The following GCNA variants were observed in gnomAD, a reference collection of about 807,000 sequenced individuals.
GCNA encodes the protein germ cell nuclear acidic protein.
GCNA carries 3 observed loss-of-function variants against 38.8 expected under a neutral mutation model. That is an observed-to-expected ratio of 0.08 (90% confidence interval 0.04 to 0.20). The LOEUF (loss-of-function observed/expected upper bound fraction) is 0.20, where lower values mean the gene tolerates loss of function less well. Ranked by LOEUF, GCNA falls within the 10% of genes least tolerant of loss-of-function variation. The pLI is 1.00. For synonymous variants in GCNA, 195 were observed against 240.2 expected (o/e 0.81, Z 1.74); for missense variants, 446 against 578.6 (o/e 0.77, Z 2.35).
chrX:71,581,269 A>AT (rs1398643309), intron 2 of GCNA, among the ~76,000 whole-genome samples: 1 of 111,941 alleles, frequency 8.9e-6, no homozygotes, highest in African/African-American at 3.2e-5. Context: ...TTTGTTTTAA[A>AT]TTTTTTTATG....
intron 2 of GCNA, among the ~76,000 whole-genome samples, chrX:71,586,673 G>A (rs1307708858): frequency 1.8e-5 from 2 of 110,631 alleles, no homozygotes; most frequent in Non-Finnish European, 3.8e-5. Context: ...GCAGTGGTGC[G>A]ATCTCAGCTC....
At chrX:71,585,716 CTT>C (rs1451605151) in intron 2 of GCNA, among the ~76,000 whole-genome samples, 3 of 108,012 alleles carry the variant, frequency 2.8e-5, no homozygotes, top group Non-Finnish European at 5.7e-5. Context: ...TGGGCTGACT[CTT>C]TACCTCGAAC....
intron 1 of GCNA, among the ~76,000 whole-genome samples, chrX:71,578,784 C>T (rs920511547): frequency 5.6e-5 from 6 of 106,641 alleles, no homozygotes; most frequent in Non-Finnish European, 1.2e-4. Context: ...GTGGGGGCGC[C>T]GGTGGCGGCG....
chrX:71,598,107 G>C, intron 7 of GCNA, 69 bp downstream of exon 7: 1 of 807,250 alleles, frequency 1.2e-6, no homozygotes, highest in African/African-American at 2.0e-5. Context: ...GTACTTTCAG[G>C]ATCAGAGTCC....
At chrX:71,601,987 T>C (rs1192938594) in intron 7 of GCNA, among the ~76,000 whole-genome samples, 1 of 112,169 alleles carries the variant, frequency 8.9e-6, no homozygotes, top group African/African-American at 3.2e-5. Flanking sequence ...GTGGGTTTGC[T>C]GAATTGTATG....
At position 71,613,288 on chromosome X, in the gene GCNA, G is replaced by A. The variant is rs1280151140; in HGVS notation, c.*306G>A. The A allele has an allele frequency of 1.5e-5, 3 of 204,359 alleles. No homozygotes were observed. The highest frequency in any genetic ancestry group is 2.7e-5 in the Non-Finnish European group (3 of 111,627). The allele number at this position is 204,359 out of a possible 1,213,427, so 16.8% of individuals were successfully genotyped here. On this transcript the variant is annotated 3_prime_UTR_variant, in exon 13 of 13. Coordinates refer to ENST00000373696, the MANE Select transcript of GCNA (RefSeq NM_052957.5). ...GGGACTCTATTGCTAACCATTCTGT[G>A]CCCTTGACAGGGTATTTCTGAAGCC... is the stretch of plus-strand genomic sequence containing the variant.
At chrX:71,589,450 CTTTTTTTTTTTTTTTTTT>C (rs371046758) in intron 2 of GCNA, among the ~76,000 whole-genome samples, 5,813 of 38,097 alleles carry the variant, frequency 0.15, 352 homozygotes, top group African/African-American at 0.3. Context: ...CATATATTTC[CTTTTTTTTTTTTTTTTTT>C]TTTTTTTTTT....
chrX:71,586,608 A>G (rs1168166677), intron 2 of GCNA, among the ~76,000 whole-genome samples: 1 of 110,542 alleles, frequency 9.0e-6, no homozygotes, highest in East Asian at 2.8e-4. Flanking sequence ...CCATGTGGCC[A>G]TGTTACTTTT....
At position 71,604,469 on chromosome X, in the gene GCNA, C is replaced by T. The variant is rs749143871; in HGVS notation, c.1192C>T (p.Pro398Ser). The change falls in exon 8 of 13, where the codon CCA becomes TCA. Residue 398 changes from proline to serine, a missense_variant. By Grantham distance (74) the Pro-to-Ser change is moderately conservative (BLOSUM62 -1). Around this residue, in one of 7 missense-constraint regions of GCNA, gnomAD observed 160 missense variants for 165.2 expected, o/e 0.97. Transcript: ENST00000373696. Reference sequence around the variant, plus strand: ...CCCTGAAGTTTCAGAGAGAAAGCTGCCAACTGAGGAAGAGCCTGCACCTGT... The same window carrying T: ...CCCTGAAGTTTCAGAGAGAAAGCTGTCAACTGAGGAAGAGCCTGCACCTGT... The part of the protein sequence containing the change: ...ANPEVSERKL[P>S]TEEEPAPVVE... The T allele has an allele frequency of 8.3e-7, 1 of 1,203,729 alleles. No individual in the cohort carries two copies. Among genetic ancestry groups the T allele is most frequent in the African/African-American group, 1.8e-5 (1 of 56,991 alleles).
At chrX:71,589,843 C>G (rs1228338444) in intron 2 of GCNA, among the ~76,000 whole-genome samples, 1 of 110,183 alleles carries the variant, frequency 9.1e-6, no homozygotes, top group African/African-American at 3.3e-5. Context: ...CAGGGTCTCA[C>G]TCCTGTCACC....
At chrX:71,579,378 G>A (rs907789203) in intron 1 of GCNA, among the ~76,000 whole-genome samples, 3 of 93,898 alleles carry the variant, frequency 3.2e-5, no homozygotes, top group African/African-American at 1.2e-4. Flanking sequence ...GCCGGTGGCC[G>A]CATTGAAGGT....
chrX:71,610,772 G>A lies in GCNA; in HGVS notation c.1703G>A (p.Arg568Gln), dbSNP rs759448717. 13 of 1,211,277 alleles carry A rather than the reference G, an allele frequency of 1.1e-5. No homozygotes were observed. Among genetic ancestry groups the A allele is most frequent in the South Asian group, 5.3e-5 (3 of 56,904 alleles). The change falls in exon 11 of 13, where the codon CGG becomes CAG. Residue 568 changes from arginine to glutamine, a missense_variant. By Grantham distance (43) the Arg-to-Gln change is conservative. Coordinates refer to ENST00000373696, the MANE Select transcript of GCNA (RefSeq NM_052957.5). ...GGTGAGATGTGGTACCCAAAGTGGC[G>A]GCGCTTTGCCAAGATCCAGATTGGC... ...STGEMWYPKWRRFAKIQIGLK... is the reference protein window; with the variant it reads ...STGEMWYPKWQRFAKIQIGLK...
intron 7 of GCNA, among the ~76,000 whole-genome samples, chrX:71,602,822 G>A (rs1179552317): frequency 8.9e-6 from 1 of 111,851 alleles, no homozygotes; most frequent in African/African-American, 3.2e-5. Context: ...GGTTGCCAGT[G>A]CTTGTGGGGT....
chrX:71,605,902 C>T (rs1437763791), intron 9 of GCNA, among the ~76,000 whole-genome samples, 173 bp downstream of exon 9: 1 of 111,774 alleles, frequency 8.9e-6, no homozygotes, highest in Non-Finnish European at 1.9e-5. Context: ...AGGGAGAATA[C>T]TACCCACTGG....
At position 71,595,161 on chromosome X, in the gene GCNA, A is replaced by G. The variant is rs1192278720; in HGVS notation, c.221+382A>G. ...GACCAGGTTCGAGTGCAGTGGTGCA[A>G]TCTCGGCTCACTGCAGCCTCCGCCT... On this transcript the variant is annotated intron_variant, in intron 6 of 12. Transcript: ENST00000373696. Among the ~76,000 whole-genome samples, 3 of 111,665 alleles carry G rather than the reference A, an allele frequency of 2.7e-5. No homozygotes were observed. The East Asian group carries it at 8.4e-4, about 31-fold the overall frequency.
At chrX:71,612,620 A>C in intron 12 of GCNA, 61 bp downstream of exon 12, 2 of 1,046,434 alleles carry the variant, frequency 1.9e-6, no homozygotes, top group South Asian at 2.1e-5. Flanking sequence ...GTGGCTCTTC[A>C]GTGATTTTAT....
chrX:71,612,659 A>G, intron 12 of GCNA, 100 bp downstream of exon 12: 3 of 905,141 alleles, frequency 3.3e-6, no homozygotes, highest in Non-Finnish European at 4.6e-6. Flanking sequence ...ACTGAAGAGG[A>G]GAACCTCTCT....
chrX:71,601,026 C>T (rs914462096), intron 7 of GCNA, among the ~76,000 whole-genome samples: 2 of 111,670 alleles, frequency 1.8e-5, no homozygotes, highest in African/African-American at 6.5e-5. Flanking sequence ...TCCATTAGTT[C>T]AATTGTTTTC....
At chrX:71,605,776 G>A (rs756265580) in intron 9 of GCNA, 47 bp downstream of exon 9, 40 of 1,098,194 alleles carry the variant, frequency 3.6e-5, no homozygotes, top group East Asian at 6.3e-5. Context: ...TTGCACAGCC[G>A]TCACACTGGG....
Sources: gnomAD v4.1 joint callset for allele counts (sites outside exome capture counted in the v4.1 genomes callset) on GRCh38, gnomAD v4.1.1 for gene constraint, gnomAD v4.1.1 regional missense constraint, MANE v1.5 for transcripts, NCBI Gene and HGNC (gene_info 2026-07-23, HGNC 2026-07-21) for gene names.